NOX5: variants seen among roughly 807,000 people sequenced by gnomAD.
The protein encoded by NOX5 is NADPH oxidase, EF-hand calcium binding domain 5.
In NOX5, 76 loss-of-function variants were observed where a neutral mutation model predicts 85.7. That is an observed-to-expected ratio of 0.89 (90% CI 0.74 to 1.07). The LOEUF (loss-of-function observed/expected upper bound fraction) is 1.07. NOX5 is among the 50% of genes least tolerant of loss of function. The probability of loss-of-function intolerance (pLI) is 0.00; values close to 1 mark genes in which losing one functional copy is unlikely to be tolerated. For synonymous variants in NOX5, 405 were observed against 401.4 expected (o/e 1.01, Z -0.11); for missense variants, 973 against 999.5 (o/e 0.97, Z 0.36).
chr15:69,029,060 C>T (rs776226558), intron 3 of NOX5: 3 of 152,156 alleles, frequency 2.0e-5, no homozygotes, highest in African/African-American at 4.8e-5. Context: ...AGTACATTCA[C>T]ATTGCTGTGC....
rs537198989 is a variant in NOX5 at position 69,031,787 on chromosome 15, G to A, written c.595G>A (p.Gly199Arg). 6 of 1,602,742 alleles carry A rather than the reference G, an allele frequency of 3.7e-6. No homozygotes were observed. Among genetic ancestry groups the A allele is most frequent in the Middle Eastern group, 1.7e-4 (1 of 5,844 alleles). ...CCGGGACGAGCTGCAGCGCTTCCCC[G>A]GAGTCATGGAGAACCTGACCATCAG... ...ELRDELQRFP[G>R]VMENLTISAA... The change falls in exon 4 of 16, where the codon GGA (glycine) becomes AGA (arginine). Residue 199 changes from glycine to arginine, a missense_variant. Gly to Arg is a moderately radical substitution (Grantham distance 125). Coordinates refer to ENST00000388866, the MANE Select transcript of NOX5 (RefSeq NM_024505.4).
chr15:69,046,671 C>T, intron 10 of NOX5, 151 bp from the exon 11 acceptor site: 1 of 643,898 alleles, frequency 1.6e-6, no homozygotes. Context: ...TGTTCTCTTT[C>T]AAAAGAGCTT....
chr15:69,053,804 G>A (rs914760611), intron 14 of NOX5, among the ~76,000 whole-genome samples: 3 of 152,070 alleles, frequency 2.0e-5, no homozygotes, highest in Non-Finnish European at 4.4e-5. Context: ...CTGGGGTATG[G>A]TGACTCTGAG....
chr15:69,049,452 G>A (rs2050720204), intron 14 of NOX5, among the ~76,000 whole-genome samples: 1 of 151,848 alleles, frequency 6.6e-6, no homozygotes, highest in South Asian at 2.1e-4. Flanking sequence ...TGGAGAAGTA[G>A]GATGGGGGGA....
chr15:69,047,792 C>A, intron 12 of NOX5, 38 bp from the exon 13 acceptor site: 1 of 1,608,486 alleles, frequency 6.2e-7, no homozygotes, highest in Non-Finnish European at 8.5e-7. Context: ...AAAAGTCTCA[C>A]CCCAAATTTA....
intron 11 of NOX5, 33 bp from the exon 12 acceptor site, chr15:69,047,380 C>A: frequency 6.5e-7 from 1 of 1,534,378 alleles, no homozygotes; most frequent in Non-Finnish European, 8.7e-7. Context: ...CGTCACCCCC[C>A]ATCTCTCTTC....
intron 3 of NOX5, chr15:69,030,237 A>G (rs1005424461): frequency 2.0e-5 from 3 of 152,240 alleles, no homozygotes; most frequent in African/African-American, 7.2e-5. Flanking sequence ...ATAATATTTC[A>G]TACTCATGGG....
intron 12 of NOX5, 92 bp downstream of exon 12, chr15:69,047,629 T>A: frequency 6.8e-7 from 1 of 1,477,834 alleles, no homozygotes; most frequent in South Asian, 1.3e-5. Context: ...CTCCTTCCTC[T>A]CCTTTCACCT....
chr15:69,034,459 T>C (rs311891), intron 5 of NOX5, among the ~76,000 whole-genome samples: 145,556 of 152,302 alleles, frequency 0.96, 69,933 homozygotes, highest in East Asian at 1. Flanking sequence ...CTTGCTCATG[T>C]ATTACTAACA....
At position 69,031,626 on chromosome 15, in the gene NOX5, A is replaced by G. The variant is rs1252966612; in HGVS notation, c.434A>G (p.Glu145Gly). 1.2e-6 allele frequency: 2 copies of G among 1,613,334 alleles called. No homozygotes were observed. Among genetic ancestry groups the G allele is most frequent in the Admixed American group, 3.3e-5 (2 of 60,026 alleles). The change falls in exon 4 of 16, where the codon GAG becomes GGG. Residue 145 changes from glutamate (E) to glycine (G), a missense_variant. Coordinates refer to ENST00000388866, the MANE Select transcript of NOX5 (RefSeq NM_024505.4). ...GTGSGSIDPDELRTVLQSCLR... is the reference protein window; with the variant it reads ...GTGSGSIDPDGLRTVLQSCLR... Reference sequence around the variant, plus strand: ...GGCAGTGGCTCCATTGACCCGGATGAGCTGCGCACTGTGCTGCAGTCGTGT... The same window carrying G: ...GGCAGTGGCTCCATTGACCCGGATGGGCTGCGCACTGTGCTGCAGTCGTGT...
At chr15:69,048,781 C>G (rs900836653) in intron 13 of NOX5, among the ~76,000 whole-genome samples, 178 bp from the exon 14 acceptor site, 1 of 152,148 alleles carries the variant, frequency 6.6e-6, no homozygotes. Context: ...CCATGCTGCT[C>G]TGTGATCTGG....
At chr15:69,031,897 C>A in intron 4 of NOX5, 85 bp downstream of exon 4, 1 of 1,400,162 alleles carries the variant, frequency 7.1e-7, no homozygotes, top group Non-Finnish European at 9.7e-7. Flanking sequence ...ACCGCGGATC[C>A]ACTCTGCCCT....
rs978085770 is a variant in NOX5, at chr15:69,028,549, T to C, written c.325+184T>C. The C allele has an allele frequency of 5.5e-5, 26 of 471,760 alleles. No individual in the cohort carries two copies. The Admixed American group carries it at 8.8e-4, about 16-fold the overall frequency. 29.2% of individuals were successfully genotyped at this position (471,760 alleles called of 1,614,324 possible). ...CATCTCTCTCCCAGTCCCCAGTCTC[T>C]CTGTCTAATCCCTGCCCCCCTTTCT... is the stretch of plus-strand genomic sequence containing the variant. On this transcript the variant is annotated intron_variant, in intron 3 of 15. Coordinates refer to ENST00000388866, the MANE Select transcript of NOX5 (RefSeq NM_024505.4).
Position 69,053,704 on chromosome 15 carries a change from A to G in NOX5, c.2000-1630A>G, listed in dbSNP as rs536400348. 8.5e-5 allele frequency among the ~76,000 whole-genome samples: 13 copies of G among 152,284 alleles called. No individual in the cohort carries two copies. In the South Asian group the frequency reaches 2.7e-3, roughly 32 times the overall value. ...CTATCTCAAACACAGCTGGATGGAG[A>G]GAGTGAGAACCATGCCAGGTCATCC... On this transcript the variant is annotated intron_variant, in intron 14 of 15. Coordinates refer to ENST00000388866, the MANE Select transcript of NOX5 (RefSeq NM_024505.4).
chr15:69,048,360 C>T, intron 13 of NOX5, among the ~76,000 whole-genome samples: 1 of 152,154 alleles, frequency 6.6e-6, no homozygotes, highest in Non-Finnish European at 1.5e-5. Context: ...TGGCGAAACC[C>T]CATCTCTAAC....
intron 1 of NOX5, chr15:69,023,970 C>T (rs180700621): frequency 6.0e-5 from 10 of 167,738 alleles, no homozygotes; most frequent in Middle Eastern, 6.9e-4. Flanking sequence ...TGCTGCCTAA[C>T]GAATTTTTGG....
intron 5 of NOX5, 110 bp downstream of exon 5, chr15:69,033,387 G>T: frequency 7.8e-7 from 1 of 1,273,996 alleles, no homozygotes; most frequent in Non-Finnish European, 1.1e-6. Context: ...GGGCAGGGTG[G>T]CACCTTAGAA....
At chr15:69,046,769 T>C in intron 10 of NOX5, 53 bp from the exon 11 acceptor site, 1 of 1,537,036 alleles carries the variant, frequency 6.5e-7, no homozygotes, top group Non-Finnish European at 8.9e-7. Flanking sequence ...TTCTAAGAAA[T>C]CCCTAACACT....
At position 69,049,023 on chromosome 15, in the gene NOX5, A is replaced by C; in HGVS notation, c.1964A>C (p.Lys655Thr). Residue 655 changes from lysine (K) to threonine (T), a missense_variant, in exon 14 of 16, where the codon AAA (lysine) becomes ACA (threonine). Coordinates refer to ENST00000388866, the MANE Select transcript of NOX5 (RefSeq NM_024505.4). The part of the protein sequence containing the change: ...SFEWFVSLLT[K>T]LEMDQAEEAQ... ...GAGTGGTTTGTGAGCCTGCTGACTA[A>C]ACTGGAGATGGACCAGGCCGAGGAG... 6.2e-7 allele frequency: 1 copy of C among 1,612,792 alleles called. No individual in the cohort carries two copies. Among genetic ancestry groups the C allele is most frequent in the Non-Finnish European group, 8.5e-7 (1 of 1,179,606 alleles).
Sources: gnomAD v4.1 joint callset for allele counts (sites outside exome capture counted in the v4.1 genomes callset) on GRCh38, gnomAD v4.1.1 for gene constraint, MANE v1.5 for transcripts, NCBI Gene and HGNC (gene_info 2026-07-23, HGNC 2026-07-21) for gene names.